Variants in RBM47 observed in about 807,000 individuals in gnomAD.
RBM47 encodes the protein RNA-binding protein 47.
A neutral mutation model predicts 47.1 loss-of-function variants in RBM47; 21 were observed. That is an observed-to-expected ratio of 0.45 (90% CI 0.32 to 0.64). The LOEUF is 0.64. RBM47 is among the 30% of genes least tolerant of loss of function. The pLI is 0.05. For missense variants in RBM47, 708 were observed against 870.9 expected (o/e 0.81, Z 2.35); for synonymous variants, 375 against 361.7 (o/e 1.04, Z -0.42).
intron 1 of RBM47, among the ~76,000 whole-genome samples, chr4:40,617,513 C>T (rs1156341629): frequency 6.6e-6 from 1 of 151,848 alleles, no homozygotes; most frequent in Non-Finnish European, 1.5e-5. Context: ...GAGCCAAGAT[C>T]GTGCCACTGC....
chr4:40,541,287 T>G (rs1255498347), intron 2 of RBM47, among the ~76,000 whole-genome samples: 1 of 148,826 alleles, frequency 6.7e-6, no homozygotes, highest in Admixed American at 6.7e-5. Context: ...AAAAATCGCA[T>G]CAAATTTACT....
At chr4:40,601,519 C>G (rs576819184) in intron 1 of RBM47, among the ~76,000 whole-genome samples, 1 of 152,306 alleles carries the variant, frequency 6.6e-6, no homozygotes, top group Admixed American at 6.5e-5. Flanking sequence ...ACATCTCAAT[C>G]AAGTCAATGG....
At chr4:40,559,920 T>C (rs1730447989) in intron 1 of RBM47, among the ~76,000 whole-genome samples, 2 of 152,214 alleles carry the variant, frequency 1.3e-5, no homozygotes, top group South Asian at 4.1e-4. Context: ...TTTCTAGTGT[T>C]TACCTTTTTT....
intron 1 of RBM47, among the ~76,000 whole-genome samples, chr4:40,552,834 A>G (rs991902399): frequency 1.3e-5 from 2 of 151,978 alleles, no homozygotes; most frequent in African/African-American, 4.8e-5. Flanking sequence ...CTTGGCACTC[A>G]CTGTCGGCCC....
intron 4 of RBM47, 107 bp from the exon 5 acceptor site, chr4:40,436,754 GT>G: frequency 9.5e-7 from 1 of 1,057,260 alleles, no homozygotes; most frequent in Non-Finnish European, 1.5e-6. Flanking sequence ...TTAATTGCAG[GT>G]GGCTACACCT....
At chr4:40,595,365 G>C (rs557892867) in intron 1 of RBM47, among the ~76,000 whole-genome samples, 1 of 151,932 alleles carries the variant, frequency 6.6e-6, no homozygotes, top group South Asian at 2.1e-4. Context: ...TTGGTGGCAG[G>C]TGCCTGTAAT....
chr4:40,569,052 T>A lies in RBM47; in HGVS notation c.-239-24546A>T, dbSNP rs34708105. Reference sequence around the variant, plus strand: ...ACAGACAGACAGACAGACAGACAGATAGATAGATAGTATATGTGGTCTGGG... The same window carrying A: ...ACAGACAGACAGACAGACAGACAGAAAGATAGATAGTATATGTGGTCTGGG... On this transcript the variant is annotated intron_variant, in intron 1 of 6. Transcript: ENST00000295971. Among the ~76,000 whole-genome samples the A allele has an allele frequency of 1.4e-5, 2 of 142,302 alleles. 1 individual carries two copies. Among genetic ancestry groups the A allele is most frequent in the African/African-American group, 5.5e-5 (2 of 36,094 alleles). The allele number at this position is 142,302 out of a possible 152,430, so 93.4% of individuals were successfully genotyped here.
At chr4:40,585,097 C>A (rs1200782849) in intron 1 of RBM47, among the ~76,000 whole-genome samples, 1 of 152,192 alleles carries the variant, frequency 6.6e-6, no homozygotes, top group Non-Finnish European at 1.5e-5. Context: ...CATTCGGGGT[C>A]ATTAAGTGAA....
At chr4:40,502,256 A>G (rs760504061) in intron 2 of RBM47, 13 of 154,274 alleles carry the variant, frequency 8.4e-5, no homozygotes, top group Non-Finnish European at 1.9e-4. Context: ...CACCTGTTAT[A>G]TTGTTTTCAT....
rs140881984 is a variant in RBM47 at position 40,623,486 on chromosome 4, T to C, written c.-240+5910A>G. On this transcript the variant is annotated intron_variant, in intron 1 of 6. Coordinates refer to ENST00000295971, the MANE Select transcript of RBM47 (RefSeq NM_001098634.2). ...TCACCTGATACTGCCCTTTCACTCTTGGATTTCTTGGTTGACCCTCCGTAT... is the reference window on the plus strand; with the variant it reads ...TCACCTGATACTGCCCTTTCACTCTCGGATTTCTTGGTTGACCCTCCGTAT... Among the ~76,000 whole-genome samples the C allele has an allele frequency of 2.9e-3, 438 of 152,338 alleles. 1 individual carries two copies. Among genetic ancestry groups the C allele is most frequent in the African/African-American group, 0.01 (421 of 41,582 alleles).
chr4:40,541,505 G>A (rs575457198), intron 2 of RBM47, among the ~76,000 whole-genome samples: 3 of 152,296 alleles, frequency 2.0e-5, no homozygotes, highest in Non-Finnish European at 2.9e-5. Flanking sequence ...GGGCGGCAGA[G>A]GTGGGTGGAT....
intron 2 of RBM47, among the ~76,000 whole-genome samples, chr4:40,481,662 C>T (rs1720446779): frequency 6.6e-6 from 1 of 151,790 alleles, no homozygotes; most frequent in African/African-American, 2.4e-5. Context: ...AGCAATTCTC[C>T]TGCTTCAGCC....
intron 2 of RBM47, among the ~76,000 whole-genome samples, chr4:40,496,217 T>C (rs946672972): frequency 2.0e-5 from 3 of 152,186 alleles, no homozygotes; most frequent in African/African-American, 7.2e-5. Context: ...ACCTGTGTTG[T>C]GTGGGTTATG....
intron 2 of RBM47, among the ~76,000 whole-genome samples, chr4:40,478,857 A>G (rs1164629174): frequency 6.6e-6 from 1 of 152,258 alleles, no homozygotes; most frequent in East Asian, 1.9e-4. Context: ...TTGCTTTTGT[A>G]TATAGTAGTA....
chr4:40,542,227 C>T (rs1728618942), intron 2 of RBM47, among the ~76,000 whole-genome samples: 1 of 152,144 alleles, frequency 6.6e-6, no homozygotes, highest in Admixed American at 6.5e-5. Flanking sequence ...TTTAAAGATT[C>T]TTCCAGAAAT....
At chr4:40,530,186 T>C (rs1727253902) in intron 2 of RBM47, among the ~76,000 whole-genome samples, 2 of 152,080 alleles carry the variant, frequency 1.3e-5, no homozygotes, top group Non-Finnish European at 2.9e-5. Flanking sequence ...TCCGCCCACC[T>C]TGGCCTCTCA....
At chr4:40,528,442 C>T (rs1306184299) in intron 2 of RBM47, among the ~76,000 whole-genome samples, 1 of 151,454 alleles carries the variant, frequency 6.6e-6, no homozygotes, top group Non-Finnish European at 1.5e-5. Flanking sequence ...TGGTCTCTCA[C>T]TGAGAAAACA....
At chr4:40,503,809 A>T (rs912377962) in intron 2 of RBM47, among the ~76,000 whole-genome samples, 1 of 152,062 alleles carries the variant, frequency 6.6e-6, no homozygotes, top group East Asian at 1.9e-4. Flanking sequence ...ACACACACAG[A>T]GGTATGGCCA....
intron 2 of RBM47, among the ~76,000 whole-genome samples, chr4:40,494,084 C>A (rs1722254916): frequency 6.6e-6 from 1 of 152,176 alleles, no homozygotes; most frequent in East Asian, 1.9e-4. Context: ...CTTCAATGGA[C>A]ACATATTTAT....
Sources: allele counts gnomAD v4.1 joint callset (sites outside exome capture counted in the v4.1 genomes callset), GRCh38; gene constraint gnomAD v4.1.1; transcripts MANE v1.5; gene names NCBI Gene and HGNC (gene_info 2026-07-23, HGNC 2026-07-21).